UST: variants seen among roughly 807,000 people sequenced by gnomAD.
UST encodes the protein uronyl 2-sulfotransferase, also known as chondroitin sulfate 2-O-sulfotransferase.
Under a neutral mutation model 45.6 loss-of-function variants are expected in UST, and 21 were observed. That is an observed-to-expected ratio of 0.46 (90% CI 0.33 to 0.66). The LOEUF is 0.66. Ranked by LOEUF, UST falls within the 30% of genes least tolerant of loss-of-function variation. The pLI, the probability that UST is intolerant of heterozygous loss-of-function variation, is 0.02. For missense variants in UST, 463 were observed against 512.4 expected (o/e 0.90, Z 0.93); for synonymous variants, 215 against 200.6 (o/e 1.07, Z -0.61).
At chr6:149,016,218 A>T (rs1181847154) in intron 5 of UST, among the ~76,000 whole-genome samples, 1 of 152,254 alleles carries the variant, frequency 6.6e-6, no homozygotes, top group East Asian at 1.9e-4. Flanking sequence ...TAAGAAAAGA[A>T]TTGTTAACTG....
At chr6:149,054,448 A>G (rs1381052387) in intron 7 of UST, among the ~76,000 whole-genome samples, 2 of 152,204 alleles carry the variant, frequency 1.3e-5, no homozygotes, top group African/African-American at 2.4e-5. Context: ...GGTGTCAGAC[A>G]CCTAACATTG....
chr6:148,786,231 C>T lies in UST; in HGVS notation c.247+38554C>T, dbSNP rs145792821. On this transcript the variant is annotated intron_variant, in intron 1 of 7. Transcript: ENST00000367463. ...ACTATTATTTCTTTTTTTAAATTTC[C>T]AGCTTTTATTTTAAGTTCAGGGGTC... Among the ~76,000 whole-genome samples the T allele has an allele frequency of 2.6e-5, 4 of 151,436 alleles. No homozygotes were observed. The East Asian group carries it at 7.7e-4, about 29-fold the overall frequency.
intron 1 of UST, among the ~76,000 whole-genome samples, chr6:148,842,257 C>A (rs1042733659): frequency 6.6e-6 from 1 of 152,126 alleles, no homozygotes; most frequent in Non-Finnish European, 1.5e-5. Context: ...CAGGAAAAAC[C>A]AAGGTAGGCC....
chr6:148,922,045 A>T (rs1001793215), intron 2 of UST, among the ~76,000 whole-genome samples: 4 of 152,230 alleles, frequency 2.6e-5, no homozygotes, highest in Non-Finnish European at 5.9e-5. Flanking sequence ...GGAAAGTCTC[A>T]TGGTGGGGAA....
intron 7 of UST, among the ~76,000 whole-genome samples, chr6:149,059,090 C>T (rs1432663694): frequency 6.6e-6 from 1 of 152,176 alleles, no homozygotes; most frequent in East Asian, 1.9e-4. Flanking sequence ...GCAGGGAAAG[C>T]CAGGAAGCCA....
intron 3 of UST, among the ~76,000 whole-genome samples, chr6:148,949,109 G>A (rs1353287436): frequency 6.6e-6 from 1 of 151,934 alleles, no homozygotes; most frequent in African/African-American, 2.4e-5. Flanking sequence ...TGACCAACAT[G>A]GTGAAACCCT....
intron 1 of UST, among the ~76,000 whole-genome samples, chr6:148,876,523 A>C (rs1026254896): frequency 1.3e-5 from 2 of 152,148 alleles, no homozygotes; most frequent in Non-Finnish European, 2.9e-5. Context: ...AACCCAGGTC[A>C]TTTGATTCTG....
intron 1 of UST, among the ~76,000 whole-genome samples, chr6:148,765,757 G>A (rs1197738710): frequency 1.3e-5 from 2 of 152,140 alleles, no homozygotes. Flanking sequence ...ATTAATTTGG[G>A]GAACTAATAC....
chr6:148,855,094 G>A (rs1778178063), intron 1 of UST, among the ~76,000 whole-genome samples: 1 of 152,058 alleles, frequency 6.6e-6, no homozygotes, highest in African/African-American at 2.4e-5. Context: ...CTCGCGAGAC[G>A]TATTCACTAT....
intron 7 of UST, among the ~76,000 whole-genome samples, chr6:149,071,630 T>C (rs1776819736): frequency 6.6e-6 from 1 of 152,110 alleles, no homozygotes; most frequent in African/African-American, 2.4e-5. Context: ...ATAGTCTTCA[T>C]TAAAATTAAA....
chr6:148,854,658 G>A (rs1778168342), intron 1 of UST, among the ~76,000 whole-genome samples: 1 of 151,986 alleles, frequency 6.6e-6, no homozygotes, highest in Admixed American at 6.6e-5. Flanking sequence ...TATCAGGTGG[G>A]GGAAGGAGCA....
chr6:148,876,150 G>T (rs1562285115), intron 1 of UST, among the ~76,000 whole-genome samples: 1 of 152,102 alleles, frequency 6.6e-6, no homozygotes, highest in Non-Finnish European at 1.5e-5. Context: ...ATGGCAGAAG[G>T]CGAAGGGAGA....
At chr6:149,042,209 A>C (rs1246140998) in intron 7 of UST, among the ~76,000 whole-genome samples, 1 of 151,842 alleles carries the variant, frequency 6.6e-6, no homozygotes, top group Non-Finnish European at 1.5e-5. Context: ...GGCTCCTTAG[A>C]AAAAAAAATC....
At chr6:149,065,493 A>G (rs1326760003) in intron 7 of UST, among the ~76,000 whole-genome samples, 1 of 152,178 alleles carries the variant, frequency 6.6e-6, no homozygotes, top group East Asian at 1.9e-4. Flanking sequence ...GTCTTTCCAT[A>G]TGAAGGTGAT....
intron 5 of UST, among the ~76,000 whole-genome samples, chr6:148,995,324 C>T (rs191256166): frequency 3.3e-5 from 5 of 152,292 alleles, no homozygotes; most frequent in Admixed American, 6.5e-5. Flanking sequence ...CGCCCAGCCT[C>T]GGTCCTGTTC....
At chr6:149,048,611 A>G (rs1173456803) in intron 7 of UST, among the ~76,000 whole-genome samples, 1 of 152,222 alleles carries the variant, frequency 6.6e-6, no homozygotes, top group African/African-American at 2.4e-5. Context: ...TGTTTAAAAC[A>G]TACTTAAGTT....
At chr6:148,983,940 A>G (rs1411288643) in intron 5 of UST, among the ~76,000 whole-genome samples, 1 of 152,186 alleles carries the variant, frequency 6.6e-6, no homozygotes, top group East Asian at 1.9e-4. Flanking sequence ...ACACGATAAC[A>G]TCGATGCCAG....
chr6:148,790,272 C>G lies in UST; in HGVS notation c.247+42595C>G, dbSNP rs562367014. On this transcript the variant is annotated intron_variant, in intron 1 of 7. Coordinates refer to ENST00000367463, the MANE Select transcript of UST (RefSeq NM_005715.3). The surrounding 1 kb of genome is among the most constrained non-coding windows in gnomAD (Gnocchi z 4.2). ...ACTCCGTGCTCTTCTGTGCCTCCAA[C>G]TGGAATGAAAGCTTCTGGGAGTAGA... 3.5e-4 allele frequency among the ~76,000 whole-genome samples: 53 copies of G among 152,310 alleles called. No individual in the cohort carries two copies. Among genetic ancestry groups the G allele is most frequent in the African/African-American group, 1.2e-3 (48 of 41,564 alleles).
Position 149,023,101 on chromosome 6 carries a change from GGTGTGTGTGTGTGTGTGT to G in UST, c.937+1652_937+1669del, listed in dbSNP as rs61544082. On this transcript the variant is annotated intron_variant, in intron 7 of 7. Coordinates refer to ENST00000367463, the MANE Select transcript of UST (RefSeq NM_005715.3). ...TCCTTTTGGCTTTATCTTGTTCTAT[GGTGTGTGTGTGTGTGTGT>G]GTGTGTGTGTGTGTGTGTGTGTGTG... Among the ~76,000 whole-genome samples, 167 of 143,456 alleles carry G rather than the reference GGTGTGTGTGTGTGTGTGT, an allele frequency of 1.2e-3. 3 individuals are homozygous for G. Among genetic ancestry groups the G allele is most frequent in the East Asian group, 7.5e-3 (36 of 4,780 alleles). The allele number at this position is 143,456 out of a possible 152,430, so 94.1% of individuals were successfully genotyped here. A position where few individuals can be genotyped will look rare whatever the true frequency, so the allele number is the denominator to read the frequency against.
Sources: allele counts gnomAD v4.1 joint callset (sites outside exome capture counted in the v4.1 genomes callset), GRCh38; gene constraint gnomAD v4.1.1; non-coding constraint Gnocchi (gnomAD v3.1); transcripts MANE v1.5; gene names NCBI Gene and HGNC (gene_info 2026-07-23, HGNC 2026-07-21).